CDH1: variants seen among roughly 807,000 people sequenced by gnomAD.
CDH1 encodes cadherin 1, also known as cadherin-1.
Under a neutral mutation model 84.5 loss-of-function variants are expected in CDH1, and 35 were observed. The ratio of observed to expected loss-of-function variants is 0.41; its 90% CI spans 0.32 to 0.55. The LOEUF (loss-of-function observed/expected upper bound fraction) is 0.55, where lower values mean the gene tolerates loss of function less well. Among genes scored for constraint, CDH1 ranks in the 20% least tolerant of loss-of-function variants. CDH1 has a pLI of 0.19. For missense variants in CDH1, 994 were observed against 1,126.6 expected (o/e 0.88, Z 1.68); for synonymous variants, 417 against 439.0 (o/e 0.95, Z 0.63).
At chr16:68,830,606 T>G (rs1470267859) in intron 15 of CDH1, among the ~76,000 whole-genome samples, 3 of 152,172 alleles carry the variant, frequency 2.0e-5, no homozygotes, top group Non-Finnish European at 4.4e-5. Flanking sequence ...GTGAGCAGTC[T>G]AGGCCAGTGC....
intron 2 of CDH1, among the ~76,000 whole-genome samples, chr16:68,755,757 TA>T (rs1963002465): frequency 1.4e-5 from 2 of 140,916 alleles, no homozygotes; most frequent in Admixed American, 1.5e-4. Context: ...CAGAGTTTTC[TA>T]AATTTTTTTT....
chr16:68,785,745 T>TTG (rs1419677472), intron 2 of CDH1, among the ~76,000 whole-genome samples: 7 of 152,328 alleles, frequency 4.6e-5, no homozygotes, highest in Middle Eastern at 3.4e-3. Flanking sequence ...AGAGCTTTTT[T>TTG]TTTTTTAATA....
At chr16:68,740,304 C>T (rs72785183) in intron 2 of CDH1, among the ~76,000 whole-genome samples, 7,266 of 151,940 alleles carry the variant, frequency 0.048, 218 homozygotes, top group Non-Finnish European at 0.069. Context: ...CTTTGGAAGT[C>T]ATTCGAAGTT....
chr16:68,739,973 A>G (rs560190324), intron 2 of CDH1, among the ~76,000 whole-genome samples: 1 of 152,158 alleles, frequency 6.6e-6, no homozygotes, highest in Non-Finnish European at 1.5e-5. Flanking sequence ...ATGAAAATGC[A>G]TACACCCAAT....
chr16:68,773,321 G>C (rs1959636580), intron 2 of CDH1, among the ~76,000 whole-genome samples: 1 of 149,834 alleles, frequency 6.7e-6, no homozygotes, highest in Non-Finnish European at 1.5e-5. Context: ...TGTTGAGATG[G>C]AGTCTTGCTC....
At chr16:68,813,075 G>A (rs1597895500) in intron 8 of CDH1, among the ~76,000 whole-genome samples, 1 of 152,102 alleles carries the variant, frequency 6.6e-6, no homozygotes. Context: ...CAGTTAGCCA[G>A]GTGTGGTGGT....
At chr16:68,800,522 C>G (rs1444192115) in intron 2 of CDH1, among the ~76,000 whole-genome samples, 1 of 152,210 alleles carries the variant, frequency 6.6e-6, no homozygotes, top group Non-Finnish European at 1.5e-5. Context: ...TGGCAGAAAC[C>G]TGATCCTCCT....
At chr16:68,807,962 C>A (rs778069638) in intron 3 of CDH1, among the ~76,000 whole-genome samples, 3 of 152,162 alleles carry the variant, frequency 2.0e-5, no homozygotes, top group African/African-American at 7.2e-5. Context: ...GTCCCAGCTA[C>A]TCAGGAGGCT....
intron 8 of CDH1, 50 bp downstream of exon 8, chr16:68,812,313 T>C (rs774791820): frequency 6.3e-7 from 1 of 1,598,824 alleles, no homozygotes; most frequent in South Asian, 1.1e-5. Flanking sequence ...CTTTTGTTGT[T>C]CATGAACTAA....
intron 2 of CDH1, among the ~76,000 whole-genome samples, chr16:68,759,146 C>G (rs1963093317): frequency 6.6e-6 from 1 of 152,054 alleles, no homozygotes; most frequent in South Asian, 2.1e-4. Flanking sequence ...CACTGTGTTG[C>G]CCAGGTTGGT....
chr16:68,828,066 G>A, intron 13 of CDH1, 108 bp from the exon 14 acceptor site: 1 of 1,256,050 alleles, frequency 8.0e-7, no homozygotes, highest in Non-Finnish European at 1.2e-6. Flanking sequence ...GCTAGTGGCT[G>A]TCTAACTGCC....
intron 13 of CDH1, 103 bp from the exon 14 acceptor site, chr16:68,828,071 A>G (rs985032739): frequency 2.3e-6 from 3 of 1,319,938 alleles, no homozygotes; most frequent in Non-Finnish European, 3.3e-6. Flanking sequence ...TGGCTGTCTA[A>G]CTGCCCCCTG....
At position 68,819,552 on chromosome 16, in the gene CDH1, T is replaced by A. The variant is rs1961085517; in HGVS notation, c.1711+127T>A. On this transcript the variant is annotated intron_variant, in intron 11 of 15. Transcript: ENST00000261769. The stretch of plus-strand genomic sequence containing the variant: ...TATCCTTTTTGTTTGCTGGATTGAT[T>A]TGTATAAATGTATGGAGTACAAGGG... The A allele has an allele frequency of 2.8e-6, 3 of 1,064,392 alleles. No homozygotes were observed. The Admixed American group carries it at 5.9e-5, about 21-fold the overall frequency. 65.9% of individuals were successfully genotyped at this position (1,064,392 alleles called of 1,614,324 possible). A position where few individuals can be genotyped will look rare whatever the true frequency, so the allele number is the denominator to read the frequency against.
rs190794076 is a variant in CDH1, at chr16:68,757,948, G to C, written c.163+19537G>C. On this transcript the variant is annotated intron_variant, in intron 2 of 15. Transcript: ENST00000261769. ...CAAGTAGCTGGGACTACAGGTGCAT[G>C]CCACCACTCCAGGCTAATCTTTTTT... is the stretch of plus-strand genomic sequence containing the variant. Among the ~76,000 whole-genome samples the C allele has an allele frequency of 2.3e-3, 335 of 146,520 alleles. 1 individual carries two copies. The highest frequency in any genetic ancestry group is 3.6e-3 in the Non-Finnish European group (240 of 67,020).
At chr16:68,760,899 C>T (rs1482718753) in intron 2 of CDH1, among the ~76,000 whole-genome samples, 1 of 152,092 alleles carries the variant, frequency 6.6e-6, no homozygotes, top group Non-Finnish European at 1.5e-5. Flanking sequence ...CTCTCAGCCT[C>T]TGTTGTTGGC....
In CDH1 at chr16:68,815,629, G is replaced by A. The variant is rs587782796; in HGVS notation, c.1435G>A (p.Asp479Asn). 1.4e-5 allele frequency: 23 copies of A among 1,614,214 alleles called. No homozygotes were observed. Among genetic ancestry groups the A allele is most frequent in the Non-Finnish European group, 1.9e-5 (23 of 1,180,038 alleles). Residue 479 changes from aspartate to asparagine, a missense_variant, in exon 10 of 16, where the codon GAT becomes AAT. By Grantham distance (23) the Asp-to-Asn change is conservative. Around this residue, in one of 3 missense-constraint regions of CDH1, gnomAD observed 769 missense variants for 881.8 expected, o/e 0.87. Transcript: ENST00000261769. The part of the protein sequence containing the change: ...STATVTVDVL[D>N]VNEAPIFVPP... ...AGCCACCGTCACCGTGGATGTGCTG[G>A]ATGTGAATGAAGCCCCCATCTTTGT...
chr16:68,823,652 G>C (rs1961239884), intron 13 of CDH1, 26 bp downstream of exon 13: 1 of 1,483,650 alleles, frequency 6.7e-7, no homozygotes, highest in Admixed American at 1.7e-5. Context: ...AAGTGACTCA[G>C]CCTTTGACTT....
In CDH1 at chr16:68,760,040, A is replaced by G. The variant is rs1213027235; in HGVS notation, c.163+21629A>G. ...TGAGTTTTTAAAATTCTAGTTTTCC[A>G]CAGATGGAAATGTGAACTGTCTTGT... On this transcript the variant is annotated intron_variant, in intron 2 of 15. Transcript: ENST00000261769. Among the ~76,000 whole-genome samples, 6 of 150,804 alleles carry G rather than the reference A, an allele frequency of 4.0e-5. 1 individual carries two copies. In the Admixed American group the frequency reaches 4.0e-4, roughly 10 times the overall value.
intron 2 of CDH1, among the ~76,000 whole-genome samples, chr16:68,793,724 C>T (rs34947967): frequency 1.3e-5 from 2 of 152,118 alleles, no homozygotes; most frequent in Non-Finnish European, 2.9e-5. Context: ...AACCTCGTCT[C>T]TAGTGAAAAA....
Sources: allele counts gnomAD v4.1 joint callset (sites outside exome capture counted in the v4.1 genomes callset), GRCh38; gene constraint gnomAD v4.1.1; regional missense constraint gnomAD v4.1.1; transcripts MANE v1.5; gene names NCBI Gene and HGNC (gene_info 2026-07-23, HGNC 2026-07-21).